The following RAB3GAP1 variants were observed in gnomAD, a reference collection of about 807,000 sequenced individuals.
RAB3GAP1 encodes the protein rab3 GTPase-activating protein catalytic subunit.
RAB3GAP1 carries 86 observed loss-of-function variants against 130.7 expected under a neutral mutation model. That is an observed-to-expected ratio of 0.66 (90% CI 0.55 to 0.79). RAB3GAP1 has a LOEUF of 0.79. RAB3GAP1 is among the 30% of genes least tolerant of loss of function. The pLI is 0.00. For missense variants in RAB3GAP1, 1,029 were observed against 1,169.4 expected, an observed-to-expected ratio of 0.88 and a Z score of 1.75; for synonymous variants, 367 against 401.7, an observed-to-expected ratio of 0.91 and a Z score of 1.03.
At chr2:135,126,509 C>A in intron 10 of RAB3GAP1, 74 bp from the exon 11 acceptor site, 2 of 1,354,276 alleles carry the variant, frequency 1.5e-6, no homozygotes, top group Non-Finnish European at 2.1e-6. Context: ...TTTCATTAGA[C>A]TGCATTTTAA....
intron 19 of RAB3GAP1, among the ~76,000 whole-genome samples, chr2:135,161,471 ATAT>A (rs1283644901): frequency 6.6e-6 from 1 of 152,180 alleles, no homozygotes; most frequent in Non-Finnish European, 1.5e-5. Context: ...AGTAAACAAT[ATAT>A]TATTTAAGGC....
intron 3 of RAB3GAP1, among the ~76,000 whole-genome samples, chr2:135,087,875 G>C (rs1690031171): frequency 1.3e-5 from 2 of 152,072 alleles, no homozygotes. Context: ...ATCCTCAAAG[G>C]TAATTTTTAA....
At chr2:135,144,338 C>CT (rs1337221292) in intron 17 of RAB3GAP1, among the ~76,000 whole-genome samples, 1 of 152,106 alleles carries the variant, frequency 6.6e-6, no homozygotes, top group Non-Finnish European at 1.5e-5. Context: ...TGGTTTCTCT[C>CT]TAAGTATGGC....
rs142999488 is a variant in RAB3GAP1 at position 135,118,358 on chromosome 2, A to G, written c.649-2461A>G. ...CTTTTCTGATAAGAAACATCTCTCA[A>G]AATTGATTTGAGAGAATTGAACTTA... On this transcript the variant is annotated intron_variant, in intron 7 of 23. Coordinates refer to ENST00000264158, the MANE Select transcript of RAB3GAP1 (RefSeq NM_012233.3). 2.0e-4 allele frequency among the ~76,000 whole-genome samples: 30 copies of G among 152,280 alleles called. 1 individual carries two copies. The East Asian group carries it at 5.4e-3, about 27-fold the overall frequency.
At position 135,170,615 on chromosome 2, in the gene RAB3GAP1, C is replaced by T. The variant is rs997094908; in HGVS notation, c.*1834C>T. ...GTATAGTCAACTCTGCTGTGTGGAT[C>T]GGAGGGCCTGCATTTATCCTACAAA... On this transcript the variant is annotated 3_prime_UTR_variant, in exon 24 of 24. Coordinates refer to ENST00000264158, the MANE Select transcript of RAB3GAP1 (RefSeq NM_012233.3). 4.6e-5 allele frequency: 7 copies of T among 152,170 alleles called. No homozygotes were observed. The highest frequency in any genetic ancestry group is 1.4e-4 in the African/African-American group (6 of 41,438). The allele number at this position is 152,170 out of a possible 1,614,324, so 9.4% of individuals were successfully genotyped here.
intron 5 of RAB3GAP1, among the ~76,000 whole-genome samples, chr2:135,094,038 A>G (rs139952831): frequency 3.3e-5 from 5 of 152,320 alleles, no homozygotes; most frequent in African/African-American, 9.6e-5. Context: ...GGCTGGTCAT[A>G]TAAGCACCCT....
intron 2 of RAB3GAP1, among the ~76,000 whole-genome samples, chr2:135,055,117 G>A (rs1397130777): frequency 6.6e-6 from 1 of 152,138 alleles, no homozygotes; most frequent in Non-Finnish European, 1.5e-5. Context: ...GTGCAGTCTA[G>A]TGCATTACAG....
intron 10 of RAB3GAP1, 147 bp downstream of exon 10, chr2:135,126,396 A>G: frequency 1.1e-6 from 1 of 886,718 alleles, no homozygotes; most frequent in South Asian, 1.6e-5. Context: ...AAGGACTTTG[A>G]TTTCTTATGA....
chr2:135,056,439 C>T (rs895737303), intron 2 of RAB3GAP1, among the ~76,000 whole-genome samples: 2 of 152,104 alleles, frequency 1.3e-5, no homozygotes, highest in African/African-American at 4.8e-5. Flanking sequence ...CTCCTGACCT[C>T]GTGATCCACC....
At chr2:135,144,159 C>A (rs1691929152) in intron 17 of RAB3GAP1, among the ~76,000 whole-genome samples, 1 of 152,238 alleles carries the variant, frequency 6.6e-6, no homozygotes, top group Non-Finnish European at 1.5e-5. Flanking sequence ...ACTTGTGTTA[C>A]AGCTTGTACC....
chr2:135,068,604 T>G (rs553051061), intron 3 of RAB3GAP1, among the ~76,000 whole-genome samples: 19 of 152,156 alleles, frequency 1.2e-4, no homozygotes, highest in Admixed American at 5.2e-4. Context: ...AATACAAAAA[T>G]TAGCCAGGTG....
chr2:135,176,302 C>T (rs1692999773), exon 25 of RAB3GAP1: 1 of 152,212 alleles, frequency 6.6e-6, no homozygotes, highest in Admixed American at 6.6e-5. Context: ...TCTGCACTCC[C>T]ATGTTGATTG....
chr2:135,115,158 G>T (rs780966393), intron 6 of RAB3GAP1, 58 bp from the exon 7 acceptor site: 1 of 1,494,322 alleles, frequency 6.7e-7, no homozygotes, highest in Non-Finnish European at 9.2e-7. Context: ...AAAATTTGAG[G>T]TTCAGGTTTA....
intron 18 of RAB3GAP1, among the ~76,000 whole-genome samples, chr2:135,151,799 G>A (rs1692181662): frequency 1.3e-5 from 2 of 152,208 alleles, no homozygotes; most frequent in African/African-American, 4.8e-5. Context: ...TTTTCCATCT[G>A]ACCTCTAGCT....
downstream of RAB3GAP1, among the ~76,000 whole-genome samples, chr2:135,174,661 A>C (rs1486744853): frequency 3.9e-5 from 6 of 152,226 alleles, no homozygotes; most frequent in African/African-American, 9.6e-5. Context: ...ATTTTGGCCC[A>C]AAACACTATT....
intron 7 of RAB3GAP1, among the ~76,000 whole-genome samples, chr2:135,117,469 C>T (rs1574125961): frequency 9.7e-6 from 1 of 103,336 alleles, no homozygotes; most frequent in Non-Finnish European, 2.2e-5. Context: ...TCTGCTTCTG[C>T]TTCTGCTTCT....
intron 3 of RAB3GAP1, among the ~76,000 whole-genome samples, chr2:135,069,557 A>G (rs912484717): frequency 3.3e-5 from 5 of 152,116 alleles, no homozygotes; most frequent in Admixed American, 6.6e-5. Context: ...GAGAATTTCA[A>G]TTGCATTTTT....
chr2:135,147,601 T>C (rs1692036499), intron 17 of RAB3GAP1, among the ~76,000 whole-genome samples: 1 of 149,702 alleles, frequency 6.7e-6, no homozygotes. Context: ...AGATTTTAAT[T>C]AATAGTAGTC....
At chr2:135,166,269 T>C (rs1692647552) in intron 23 of RAB3GAP1, among the ~76,000 whole-genome samples, 1 of 152,170 alleles carries the variant, frequency 6.6e-6, no homozygotes. Flanking sequence ...AGCAAAATTA[T>C]TTTCCCCAAA....
Sources: allele counts gnomAD v4.1 joint callset (sites outside exome capture counted in the v4.1 genomes callset), GRCh38; gene constraint gnomAD v4.1.1; transcripts MANE v1.5; gene names NCBI Gene and HGNC (gene_info 2026-07-23, HGNC 2026-07-21).